SLC10A7: variants seen among roughly 807,000 people sequenced by gnomAD.
The protein encoded by SLC10A7 is sodium/bile acid cotransporter 7.
Under a neutral mutation model 43.2 loss-of-function variants are expected in SLC10A7, and 29 were observed. That is an observed-to-expected ratio of 0.67 (90% CI 0.50 to 0.92). SLC10A7 has a LOEUF of 0.92. SLC10A7 is among the 40% of genes least tolerant of loss of function. The pLI, the probability that SLC10A7 is intolerant of heterozygous loss-of-function variation, is 0.00. For synonymous variants in SLC10A7, 152 were observed against 144.8 expected (o/e 1.05, Z -0.35); for missense variants, 295 against 403.2 (o/e 0.73, Z 2.30).
intron 4 of SLC10A7, among the ~76,000 whole-genome samples, chr4:146,467,949 A>C (rs1351385137): frequency 6.6e-6 from 1 of 152,166 alleles, no homozygotes; most frequent in African/African-American, 2.4e-5. Context: ...ACAAGGATAG[A>C]TATGACAACC....
chr4:146,458,534 T>C (rs1560928296), intron 4 of SLC10A7, among the ~76,000 whole-genome samples: 1 of 151,900 alleles, frequency 6.6e-6, no homozygotes, highest in Admixed American at 6.6e-5. Flanking sequence ...GATTGGTAAA[T>C]GTAAGCAAAA....
chr4:146,270,701 A>G (rs1267103043), intron 10 of SLC10A7, among the ~76,000 whole-genome samples: 2 of 152,170 alleles, frequency 1.3e-5, no homozygotes, highest in Non-Finnish European at 2.9e-5. Flanking sequence ...CAATTCAGCC[A>G]TGGTGCACCA....
chr4:146,305,970 A>G lies in SLC10A7; in HGVS notation c.511T>C (p.Ser171Pro), dbSNP rs778134678. The G allele has an allele frequency of 4.3e-6, 7 of 1,610,590 alleles. No homozygotes were observed. Among genetic ancestry groups the G allele is most frequent in the Admixed American group, 1.7e-5 (1 of 59,292 alleles). The change falls in exon 7 of 12, where the codon TCT becomes CCT. Residue 171 changes from serine (S) to proline (P), a missense_variant. Around this residue, in one of 2 missense-constraint regions of SLC10A7, gnomAD observed 242 missense variants for 362.5 expected, o/e 0.67. Transcript: ENST00000335472. ...ACCACAACAGTCATAAAAAGCTGAG[A>G]AAAAATAGATGTGAAAGGCACAGAA... Reference protein sequence around the residue: ...SSSVPFTSIFSQLFMTVVVPL... With the variant: ...SSSVPFTSIFPQLFMTVVVPL...
chr4:146,448,220 T>C (rs1033240884), intron 4 of SLC10A7, among the ~76,000 whole-genome samples: 2 of 151,062 alleles, frequency 1.3e-5, no homozygotes, highest in African/African-American at 4.9e-5. Flanking sequence ...AGTATAATAA[T>C]AATAAAATTA....
At chr4:146,503,457 T>C (rs539808815) in intron 4 of SLC10A7, among the ~76,000 whole-genome samples, 8 of 152,366 alleles carry the variant, frequency 5.3e-5, no homozygotes, top group Admixed American at 5.2e-4. Flanking sequence ...ATTAAACATA[T>C]TTAACTTTTC....
chr4:146,512,941 T>C (rs1737617503), intron 2 of SLC10A7, among the ~76,000 whole-genome samples: 1 of 152,148 alleles, frequency 6.6e-6, no homozygotes, highest in African/African-American at 2.4e-5. Flanking sequence ...AATGGGCTTA[T>C]TTATGTGTTG....
rs76054661 is a variant in SLC10A7 at position 146,517,891 on chromosome 4, G to A, written c.101-771C>T. Among the ~76,000 whole-genome samples, 615 of 152,246 alleles carry A rather than the reference G, an allele frequency of 4.0e-3. 2 individuals carry two copies. Among genetic ancestry groups the A allele is most frequent in the African/African-American group, 0.014 (587 of 41,536 alleles). On this transcript the variant is annotated intron_variant, in intron 1 of 11. Transcript: ENST00000335472. ...CACATGCATTCAGTTCTGCCCAAGA[G>A]TATTCATTCTACAAATACTTATTGA...
At chr4:146,448,675 T>C (rs1312943317) in intron 4 of SLC10A7, among the ~76,000 whole-genome samples, 2 of 152,196 alleles carry the variant, frequency 1.3e-5, no homozygotes, top group Non-Finnish European at 2.9e-5. Context: ...TTAGTCAAAA[T>C]ACATAGAAAT....
Position 146,348,623 on chromosome 4 carries a change from C to G in SLC10A7, c.436-22627G>C, listed in dbSNP as rs115549591. Among the ~76,000 whole-genome samples the G allele has an allele frequency of 5.0e-3, 763 of 152,246 alleles. 9 individuals are homozygous for G. Among genetic ancestry groups the G allele is most frequent in the African/African-American group, 0.017 (709 of 41,538 alleles). The stretch of plus-strand genomic sequence containing the variant: ...AAGAGTCATGTTTTCAGAAAGCATA[C>G]AGATTTCTTCTGGAGAAAACTACAG... On this transcript the variant is annotated intron_variant, in intron 5 of 11. Coordinates refer to ENST00000335472, the MANE Select transcript of SLC10A7 (RefSeq NM_001029998.6).
chr4:146,470,517 A>T (rs1733475285), intron 4 of SLC10A7, among the ~76,000 whole-genome samples: 1 of 152,126 alleles, frequency 6.6e-6, no homozygotes, highest in Admixed American at 6.5e-5. Context: ...GCTCAGATAG[A>T]GTTGGTTCCT....
At chr4:146,436,397 C>T (rs1730221160) in intron 5 of SLC10A7, among the ~76,000 whole-genome samples, 1 of 152,068 alleles carries the variant, frequency 6.6e-6, no homozygotes, top group Non-Finnish European at 1.5e-5. Context: ...ATTTTTAACT[C>T]TGCAAATATG....
chr4:146,392,055 G>C (rs2630300), intron 5 of SLC10A7, among the ~76,000 whole-genome samples: 1,774 of 152,258 alleles, frequency 0.012, 28 homozygotes, highest in African/African-American at 0.04. Context: ...ATTTTGTCAT[G>C]GTGGAGATAC....
intron 1 of SLC10A7, 48 bp downstream of exon 1, chr4:146,521,570 G>T (rs1199451642): frequency 3.3e-6 from 5 of 1,523,106 alleles, no homozygotes; most frequent in African/African-American, 1.4e-5. Flanking sequence ...TCACAAATTA[G>T]TTCTGAAGTG....
intron 5 of SLC10A7, among the ~76,000 whole-genome samples, chr4:146,399,552 C>T (rs1200008647): frequency 2.0e-5 from 3 of 151,910 alleles, no homozygotes; most frequent in Non-Finnish European, 4.4e-5. Context: ...GCACAAGAGG[C>T]AAAATGAGTT....
Position 146,294,101 on chromosome 4 carries a change from A to T in SLC10A7, c.556-6T>A. The T allele has an allele frequency of 1.3e-6, 2 of 1,576,354 alleles. No individual in the cohort carries two copies. The highest frequency in any genetic ancestry group is 1.7e-6 in the Non-Finnish European group (2 of 1,155,876). ...TTGATGTATCTTCGGACAATCTGAA[A>T]TACAGAGATCAACAGGTTGCCTCTT... is the stretch of plus-strand genomic sequence containing the variant. On this transcript the variant is annotated splice_polypyrimidine_tract_variant and splice_region_variant and intron_variant, in intron 7 of 11. Coordinates refer to ENST00000335472, the MANE Select transcript of SLC10A7 (RefSeq NM_001029998.6).
At chr4:146,270,446 C>T (rs888914391) in intron 10 of SLC10A7, among the ~76,000 whole-genome samples, 6 of 152,198 alleles carry the variant, frequency 3.9e-5, no homozygotes, top group African/African-American at 1.4e-4. Context: ...CCTAGTAGAA[C>T]ATAAATGCAT....
chr4:146,287,074 A>G (rs1183528833), intron 9 of SLC10A7, among the ~76,000 whole-genome samples: 1 of 146,896 alleles, frequency 6.8e-6, no homozygotes. Context: ...AGTGGTGAGA[A>G]GGACTGTGTT....
Position 146,521,791 on chromosome 4 carries a change from G to T in SLC10A7, c.-74C>A. On this transcript the variant is annotated 5_prime_UTR_variant, in exon 1 of 12. Transcript: ENST00000335472. Reference sequence around the variant, plus strand: ...TTCAAGCTCCGATCACCTAATCCTTGGAGCGTCTCCACACTTTCCTTGGTC... The same window carrying T: ...TTCAAGCTCCGATCACCTAATCCTTTGAGCGTCTCCACACTTTCCTTGGTC... 1 of 1,239,906 alleles carries T rather than the reference G, an allele frequency of 8.1e-7. No individual in the cohort carries two copies. Among genetic ancestry groups the T allele is most frequent in the Non-Finnish European group, 1.2e-6 (1 of 846,460 alleles). 76.8% of individuals were successfully genotyped at this position (1,239,906 alleles called of 1,614,324 possible). A position where few individuals can be genotyped will look rare whatever the true frequency, so the allele number is the denominator to read the frequency against.
At position 146,366,293 on chromosome 4, in the gene SLC10A7, G is replaced by A. The variant is rs1339796208; in HGVS notation, c.436-40297C>T. Among the ~76,000 whole-genome samples the A allele has an allele frequency of 3.3e-5, 5 of 152,168 alleles. No individual in the cohort carries two copies. The East Asian group carries it at 7.7e-4, about 24-fold the overall frequency. On this transcript the variant is annotated intron_variant, in intron 5 of 11. Coordinates refer to ENST00000335472, the MANE Select transcript of SLC10A7 (RefSeq NM_001029998.6). ...TATGTATTATGTAACCATCCCAGTG[G>A]GATCTGAGGAAGCACTCCATAATCA...
Sources: allele counts gnomAD v4.1 joint callset (sites outside exome capture counted in the v4.1 genomes callset), GRCh38; gene constraint gnomAD v4.1.1; regional missense constraint gnomAD v4.1.1; transcripts MANE v1.5; gene names NCBI Gene and HGNC (gene_info 2026-07-23, HGNC 2026-07-21).